Variants in PBX1 observed in about 807,000 individuals in gnomAD.
PBX1 encodes PBX homeobox 1.
A neutral mutation model predicts 53.4 loss-of-function variants in PBX1; 6 were observed. The observed-to-expected ratio is 0.11, with a 90% CI of 0.06 to 0.22. PBX1 has a LOEUF of 0.22. PBX1 is among the 10% of genes least tolerant of loss of function. The probability of loss-of-function intolerance (pLI) is 1.00; values close to 1 mark genes in which losing one functional copy is unlikely to be tolerated. For synonymous variants in PBX1, 204 were observed against 212.3 expected (o/e 0.96, Z 0.34); for missense variants, 251 against 551.4 (o/e 0.46, Z 5.46).
intron 1 of PBX1, 114 bp from the exon 2 acceptor site, chr1:164,563,124 G>A (rs1653182457): frequency 3.1e-6 from 2 of 649,682 alleles, no homozygotes; most frequent in South Asian, 4.0e-5. Flanking sequence ...ATGCCACAGA[G>A]TTAGGGTTGG....
At chr1:164,672,254 G>A (rs1445221143) in intron 2 of PBX1, among the ~76,000 whole-genome samples, 1 of 152,038 alleles carries the variant, frequency 6.6e-6, no homozygotes, top group Non-Finnish European at 1.5e-5. Flanking sequence ...TTGATAAGCT[G>A]TCATCGGTGG....
At position 164,850,467 on chromosome 1, in the gene PBX1, C is replaced by CA. The variant is rs58819847; in HGVS notation, c.*3802dup. 0.28 allele frequency: 49,625 copies of CA among 177,486 alleles called. 6,043 individuals carry two copies. Among genetic ancestry groups the CA allele is most frequent in the Middle Eastern group, 0.37 (189 of 506 alleles). The allele number at this position is 177,486 out of a possible 1,614,324, so 11.0% of individuals were successfully genotyped here. On this transcript the variant is annotated 3_prime_UTR_variant, in exon 9 of 9. Transcript: ENST00000420696. Reference sequence around the variant, plus strand: ...TTCTTGATTCTTGCTCTTAAAAATACAAAAAAAAAAATGTTTTGTTTTGTG... The same window carrying CA: ...TTCTTGATTCTTGCTCTTAAAAATACAAAAAAAAAAAATGTTTTGTTTTGTG...
chr1:164,585,457 T>C (rs1292456505), intron 2 of PBX1, among the ~76,000 whole-genome samples: 2 of 152,218 alleles, frequency 1.3e-5, no homozygotes, highest in Admixed American at 6.5e-5. Context: ...GCATTTGCTT[T>C]AGTGGCTTTG....
At chr1:164,748,602 T>A (rs1666025971) in intron 2 of PBX1, among the ~76,000 whole-genome samples, 1 of 152,204 alleles carries the variant, frequency 6.6e-6, no homozygotes, top group Non-Finnish European at 1.5e-5. Flanking sequence ...GCTTCTGGCT[T>A]GGAATTTCTA....
chr1:164,566,517 CT>C (rs1256217988), intron 2 of PBX1, among the ~76,000 whole-genome samples: 1 of 152,066 alleles, frequency 6.6e-6, no homozygotes, highest in African/African-American at 2.4e-5. Context: ...ATAACACTTT[CT>C]TTTGGATTTT....
intron 2 of PBX1, among the ~76,000 whole-genome samples, chr1:164,858,976 C>T (rs892958108): frequency 2.6e-5 from 4 of 152,090 alleles, no homozygotes; most frequent in African/African-American, 7.2e-5. Context: ...GTATAAAATA[C>T]TTGAATGTGT....
At chr1:164,686,648 G>C (rs1440017466) in intron 2 of PBX1, among the ~76,000 whole-genome samples, 1 of 152,162 alleles carries the variant, frequency 6.6e-6, no homozygotes, top group Admixed American at 6.5e-5. Context: ...TAATATTCCT[G>C]CTCTCCTAGG....
intron 2 of PBX1, among the ~76,000 whole-genome samples, chr1:164,601,787 C>T (rs1408010927): frequency 6.6e-6 from 1 of 152,142 alleles, no homozygotes; most frequent in Non-Finnish European, 1.5e-5. Flanking sequence ...GAAGATGAGA[C>T]CCCTTAGCCT....
At position 164,848,989 on chromosome 1, in the gene PBX1, A is replaced by C. The variant is rs1671699372; in HGVS notation, c.*2313A>C. On this transcript the variant is annotated 3_prime_UTR_variant, in exon 9 of 9. Coordinates refer to ENST00000420696, the MANE Select transcript of PBX1 (RefSeq NM_002585.4). ...GTCTACTAACTTCAGCCCTAATCAG[A>C]ACAGATGCCTAGAAGGAGCATTTTT... The C allele has an allele frequency of 8.7e-7, 1 of 1,149,662 alleles. No individual in the cohort carries two copies. Among genetic ancestry groups the C allele is most frequent in the Non-Finnish European group, 1.1e-6 (1 of 931,792 alleles). The allele number at this position is 1,149,662 out of a possible 1,614,324, so 71.2% of individuals were successfully genotyped here.
In PBX1 at chr1:164,878,433, A is replaced by G. The variant is rs567541928; in HGVS notation, n.258-20755A>G. ...AACAATAGCCTGCCTATGTTGTGCC[A>G]AGTAGAATACTTAATGTGGCATATG... On this transcript the variant is annotated intron_variant and non_coding_transcript_variant, in intron 2 of 2. Transcript: ENST00000558796. Among the ~76,000 whole-genome samples the G allele has an allele frequency of 7.2e-5, 11 of 152,360 alleles. No individual in the cohort carries two copies. The South Asian group carries it at 2.3e-3, about 32-fold the overall frequency.
At chr1:164,804,879 T>C (rs1040631513) in intron 4 of PBX1, among the ~76,000 whole-genome samples, 3 of 152,186 alleles carry the variant, frequency 2.0e-5, no homozygotes, top group Non-Finnish European at 4.4e-5. Flanking sequence ...ATAATAAGAC[T>C]AACAAGGAAA....
At chr1:164,795,769 T>G (rs898697925) in intron 3 of PBX1, among the ~76,000 whole-genome samples, 8 of 152,228 alleles carry the variant, frequency 5.3e-5, no homozygotes, top group Non-Finnish European at 1.0e-4. Context: ...TGGGGATTTT[T>G]TAAAAATAGA....
intron 2 of PBX1, among the ~76,000 whole-genome samples, chr1:164,670,978 A>G (rs970713710): frequency 9.2e-5 from 14 of 152,168 alleles, no homozygotes; most frequent in African/African-American, 3.4e-4. Flanking sequence ...CTTCTTCCCT[A>G]TCAGCCAGTG....
At chr1:164,775,890 T>C (rs915892996) in intron 2 of PBX1, among the ~76,000 whole-genome samples, 5 of 152,142 alleles carry the variant, frequency 3.3e-5, no homozygotes, top group African/African-American at 1.2e-4. Context: ...TTTGAATATG[T>C]GGCAGTCTAC....
At chr1:164,853,946 T>A (rs1312806226), downstream of PBX1, among the ~76,000 whole-genome samples, 8 of 151,484 alleles carry the variant, frequency 5.3e-5, no homozygotes, top group South Asian at 2.1e-4. Context: ...TTTTATTTTT[T>A]TTTTTGAGAC....
chr1:164,821,417 T>C, intron 7 of PBX1, 120 bp from the exon 8 acceptor site: 1 of 754,518 alleles, frequency 1.3e-6, no homozygotes, highest in Non-Finnish European at 2.4e-6. Context: ...AGGACAACTG[T>C]CTCCAAAATG....
In PBX1 at chr1:164,848,990, A is replaced by G. The variant is rs1280312662; in HGVS notation, c.*2314A>G. 3.5e-6 allele frequency: 4 copies of G among 1,150,334 alleles called. No homozygotes were observed. Among genetic ancestry groups the G allele is most frequent in the Non-Finnish European group, 4.3e-6 (4 of 932,254 alleles). The allele number at this position is 1,150,334 out of a possible 1,614,324, so 71.3% of individuals were successfully genotyped here. A position where few individuals can be genotyped will look rare whatever the true frequency, so the allele number is the denominator to read the frequency against. ...TCTACTAACTTCAGCCCTAATCAGAACAGATGCCTAGAAGGAGCATTTTTG... is the reference window on the plus strand; with the variant it reads ...TCTACTAACTTCAGCCCTAATCAGAGCAGATGCCTAGAAGGAGCATTTTTG... On this transcript the variant is annotated 3_prime_UTR_variant, in exon 9 of 9. Coordinates refer to ENST00000420696, the MANE Select transcript of PBX1 (RefSeq NM_002585.4).
chr1:164,703,735 G>C (rs1281741454), intron 2 of PBX1, among the ~76,000 whole-genome samples: 1 of 152,132 alleles, frequency 6.6e-6, no homozygotes, highest in African/African-American at 2.4e-5. Flanking sequence ...CCTGAATCCA[G>C]GTGCATGCAG....
At chr1:164,875,065 C>G (rs1483862991) in intron 2 of PBX1, among the ~76,000 whole-genome samples, 2 of 152,142 alleles carry the variant, frequency 1.3e-5, no homozygotes, top group East Asian at 3.9e-4. Flanking sequence ...AAGCCACCTC[C>G]CCTCAGTGTG....
Sources: allele counts gnomAD v4.1 joint callset (sites outside exome capture counted in the v4.1 genomes callset), GRCh38; gene constraint gnomAD v4.1.1; transcripts MANE v1.5; gene names NCBI Gene and HGNC (gene_info 2026-07-23, HGNC 2026-07-21).